CASP10: variants seen among roughly 807,000 people sequenced by gnomAD.
CASP10 encodes the protein caspase-10.
A neutral mutation model predicts 48.5 loss-of-function variants in CASP10; 41 were observed. That is an observed-to-expected ratio of 0.85 (90% CI 0.66 to 1.10). The LOEUF is 1.10. Among genes scored for constraint, CASP10 ranks in the 50% least tolerant of loss-of-function variants. The pLI, the probability that CASP10 is intolerant of heterozygous loss-of-function variation, is 0.00. For synonymous variants in CASP10, 232 were observed against 238.4 expected (o/e 0.97, Z 0.25); for missense variants, 614 against 614.5 (o/e 1.00, Z 0.01).
At chr2:201,201,699 G>A (rs1945025254) in intron 5 of CASP10, among the ~76,000 whole-genome samples, 2 of 152,068 alleles carry the variant, frequency 1.3e-5, no homozygotes, top group South Asian at 4.2e-4. Context: ...TTTTAAGGTT[G>A]GAAGGTGTCT....
In CASP10 at chr2:201,217,803, T is replaced by G; in HGVS notation, c.*62T>G. On this transcript the variant is annotated 3_prime_UTR_variant, in exon 10 of 10. Transcript: ENST00000286186. ...TCATTGGCTATAACCTCCAGCCTCC[T>G]GCCCAGCACAGGAATCGGTGGTCTC... The G allele has an allele frequency of 6.2e-7, 1 of 1,613,166 alleles. No individual in the cohort carries two copies. Among genetic ancestry groups the G allele is most frequent in the Non-Finnish European group, 8.5e-7 (1 of 1,179,422 alleles).
At chr2:201,222,864 A>C (rs1414176819), downstream of CASP10, among the ~76,000 whole-genome samples, 1 of 152,198 alleles carries the variant, frequency 6.6e-6, no homozygotes, top group African/African-American at 2.4e-5. Context: ...GGTAAACTAA[A>C]CTAGAAGTTT....
At chr2:201,188,859 T>C (rs1203760824) in intron 3 of CASP10, among the ~76,000 whole-genome samples, 1 of 151,544 alleles carries the variant, frequency 6.6e-6, no homozygotes, top group Non-Finnish European at 1.5e-5. Context: ...GTTGCAAAAA[T>C]GGAGATATTA....
At chr2:201,211,225 C>T (rs41335653) in intron 9 of CASP10, among the ~76,000 whole-genome samples, 5,219 of 152,272 alleles carry the variant, frequency 0.034, 116 homozygotes, top group Middle Eastern at 0.092. Context: ...AATCTTCCTG[C>T]CTTAGCCTTG....
At chr2:201,222,975 T>C (rs1304824839), downstream of CASP10, among the ~76,000 whole-genome samples, 1 of 152,198 alleles carries the variant, frequency 6.6e-6, no homozygotes, top group Non-Finnish European at 1.5e-5. Flanking sequence ...CCTGGAATTC[T>C]TGGGCCCTTA....
rs1220444766 is a variant in CASP10 at position 201,200,670 on chromosome 2, T to G, written c.685-3060T>G. 5 of 1,404,058 alleles carry G rather than the reference T, an allele frequency of 3.6e-6. No homozygotes were observed. In the African/African-American group the frequency reaches 7.2e-5, roughly 20 times the overall value. 87.0% of individuals were successfully genotyped at this position (1,404,058 alleles called of 1,614,324 possible). ...GGGAATCTCAGCTTTGGGAGGCCAC[T>G]TTGTAAGTGATCTTAAGAGATTAAG... is the stretch of plus-strand genomic sequence containing the variant. On this transcript the variant is annotated intron_variant, in intron 5 of 9. Coordinates refer to ENST00000286186, the MANE Select transcript of CASP10 (RefSeq NM_032977.4).
intron 3 of CASP10, among the ~76,000 whole-genome samples, chr2:201,192,207 C>G (rs1244095672): frequency 6.6e-6 from 1 of 152,026 alleles, no homozygotes; most frequent in Non-Finnish European, 1.5e-5. Context: ...CCAGCCTGGC[C>G]AACATGGTGA....
chr2:201,222,251 C>G (rs1415298318), downstream of CASP10, among the ~76,000 whole-genome samples: 4 of 144,314 alleles, frequency 2.8e-5, no homozygotes, highest in African/African-American at 5.1e-5. Flanking sequence ...AAGTCTCGCT[C>G]TCTCACCCAG....
At chr2:201,203,993 A>G (rs765808569) in intron 6 of CASP10, among the ~76,000 whole-genome samples, 9 of 152,202 alleles carry the variant, frequency 5.9e-5, no homozygotes, top group Non-Finnish European at 1.3e-4. Flanking sequence ...AATGCCTAGT[A>G]TAGCAGATTC....
rs373276469 is a variant in CASP10 at position 201,193,126 on chromosome 2, A to G, written c.577+7A>G. The G allele has an allele frequency of 4.3e-6, 7 of 1,612,912 alleles. No individual in the cohort carries two copies. Among genetic ancestry groups the G allele is most frequent in the Admixed American group, 1.7e-5 (1 of 59,976 alleles). ...AAATACAAAAGAGAGAAAGGTAAGTAGCTTGTGATTGCTAACTTGGACCAG... is the reference window on the plus strand; with the variant it reads ...AAATACAAAAGAGAGAAAGGTAAGTGGCTTGTGATTGCTAACTTGGACCAG... On this transcript the variant is annotated splice_region_variant and intron_variant, in intron 4 of 9. Transcript: ENST00000286186.
intron 9 of CASP10, among the ~76,000 whole-genome samples, chr2:201,211,123 G>T (rs1238340194): frequency 1.3e-5 from 2 of 152,218 alleles, no homozygotes; most frequent in African/African-American, 4.8e-5. Flanking sequence ...TAGCTATTTT[G>T]TAATATACAA....
At chr2:201,198,177 T>C (rs1450987569) in intron 5 of CASP10, among the ~76,000 whole-genome samples, 1 of 152,196 alleles carries the variant, frequency 6.6e-6, no homozygotes, top group African/African-American at 2.4e-5. Flanking sequence ...GTCCAAGTCC[T>C]TTGTTCATTT....
chr2:201,185,916 G>A lies in CASP10; in HGVS notation c.139G>A (p.Val47Ile). The change falls in exon 2 of 10, where the codon GTC becomes ATC. Residue 47 changes from valine to isoleucine, a missense_variant. Transcript: ENST00000286186. The part of the protein sequence containing the change: ...ENLKFLCIGL[V>I]PNKKLEKSSS... ...CCTCAAGTTTCTCTGCATAGGATTG[G>A]TCCCCAACAAGAAGCTGGAGAAGTC... is the stretch of plus-strand genomic sequence containing the variant. 1.2e-6 allele frequency: 2 copies of A among 1,614,146 alleles called. No homozygotes were observed. Among genetic ancestry groups the A allele is most frequent in the South Asian group, 1.1e-5 (1 of 91,086 alleles).
chr2:201,208,531 T>C (rs1945284921), intron 8 of CASP10: 1 of 177,926 alleles, frequency 5.6e-6, no homozygotes, highest in African/African-American at 2.4e-5. Context: ...GATGAAACAC[T>C]GGCCACTGCC....
In CASP10 at chr2:201,205,958, T is replaced by A. The variant is rs1310934282; in HGVS notation, c.798T>A (p.Ser266=). The A allele has an allele frequency of 6.2e-7, 1 of 1,611,090 alleles. No homozygotes were observed. The highest frequency in any genetic ancestry group is 1.1e-5 in the South Asian group (1 of 91,022). ...MQGASANTLN[S]ETSTKRAAVY... ...GAGCATCTGCTAACACTCTAAACTC[T>A]GAAACCAGCACAAAGGTCTGGATGG... Residue 266 remains serine, a synonymous_variant, in exon 7 of 10, where the codon TCT becomes TCA. Transcript: ENST00000286186.
In CASP10 at chr2:201,196,093, T is replaced by C. The variant is rs1292351387; in HGVS notation, c.684+145T>C. On this transcript the variant is annotated intron_variant, in intron 5 of 9. Transcript: ENST00000286186. ...ATGGTCTCACCATGGTGATTGCAAG[T>C]AAACAACATGATATCAACCAGAGTG... The C allele has an allele frequency of 1.2e-5, 8 of 641,258 alleles. No homozygotes were observed. The Middle Eastern group carries it at 1.3e-3, about 103-fold the overall frequency. The allele number at this position is 641,258 out of a possible 1,614,324, so 39.7% of individuals were successfully genotyped here.
At chr2:201,189,446 T>G (rs553550881) in intron 3 of CASP10, among the ~76,000 whole-genome samples, 1 of 152,032 alleles carries the variant, frequency 6.6e-6, no homozygotes, top group African/African-American at 2.4e-5. Context: ...TTTTTGTATT[T>G]TTAGTAGAGA....
At position 201,216,273 on chromosome 2, in the gene CASP10, G is replaced by C. The variant is rs114973207; in HGVS notation, c.1416-1315G>C. On this transcript the variant is annotated intron_variant, in intron 9 of 9. Coordinates refer to ENST00000286186, the MANE Select transcript of CASP10 (RefSeq NM_032977.4). ...AGTCCTAGCTATTAGGGAGTCTGAA[G>C]TGGGAGGATTGCTTAAGCCCAGAAG... Among the ~76,000 whole-genome samples the C allele has an allele frequency of 1.5e-3, 225 of 152,076 alleles. 3 individuals are homozygous for C. The highest frequency in any genetic ancestry group is 5.3e-3 in the African/African-American group (221 of 41,496).
intron 3 of CASP10, among the ~76,000 whole-genome samples, chr2:201,192,443 TG>T (rs1944643293): frequency 1.3e-5 from 2 of 151,848 alleles, no homozygotes; most frequent in South Asian, 2.1e-4. Context: ...TGTGATTTTT[TG>T]TTTCAGAAAA....
Sources: gnomAD v4.1 joint callset for allele counts (sites outside exome capture counted in the v4.1 genomes callset) on GRCh38, gnomAD v4.1.1 for gene constraint, MANE v1.5 for transcripts, NCBI Gene and HGNC (gene_info 2026-07-23, HGNC 2026-07-21) for gene names.